The following HIP1 variants were observed in gnomAD, a reference collection of about 807,000 sequenced individuals.
The protein encoded by HIP1 is huntingtin interacting protein 1.
Under a neutral mutation model 147.6 loss-of-function variants are expected in HIP1, and 65 were observed. That is an observed-to-expected ratio of 0.44 (90% CI 0.36 to 0.54). The LOEUF (loss-of-function observed/expected upper bound fraction) is 0.54, where lower values mean the gene tolerates loss of function less well. Among genes scored for constraint, HIP1 ranks in the 20% least tolerant of loss-of-function variants. The pLI, the probability that HIP1 is intolerant of heterozygous loss-of-function variation, is 0.00. For synonymous variants in HIP1, 479 were observed against 504.0 expected (o/e 0.95, Z 0.67); for missense variants, 1,061 against 1,299.6 (o/e 0.82, Z 2.82).
intron 1 of HIP1, among the ~76,000 whole-genome samples, chr7:75,655,465 C>T (rs1486221095): frequency 6.6e-6 from 1 of 151,854 alleles, no homozygotes; most frequent in Non-Finnish European, 1.5e-5. Flanking sequence ...ACCTGTAATC[C>T]CAACTACTTG....
At chr7:75,586,570 G>A (rs1484954792) in intron 5 of HIP1, among the ~76,000 whole-genome samples, 183 bp downstream of exon 5, 8 of 152,112 alleles carry the variant, frequency 5.3e-5, no homozygotes, top group African/African-American at 1.4e-4. Flanking sequence ...CCCAGCCTTC[G>A]TCACACCCCG....
intron 1 of HIP1, among the ~76,000 whole-genome samples, chr7:75,614,782 T>C (rs911178215): frequency 1.3e-5 from 2 of 152,270 alleles, no homozygotes; most frequent in Admixed American, 1.3e-4. Context: ...TGATTTTTTT[T>C]TCTTTTTCTG....
chr7:75,690,116 A>T (rs782087437), intron 1 of HIP1, among the ~76,000 whole-genome samples: 1 of 152,150 alleles, frequency 6.6e-6, no homozygotes, highest in African/African-American at 2.4e-5. Flanking sequence ...TTACAAAAAA[A>T]TTTTAAAAAT....
intron 1 of HIP1, among the ~76,000 whole-genome samples, chr7:75,683,629 C>T (rs1048464952): frequency 1.3e-5 from 2 of 152,124 alleles, no homozygotes; most frequent in African/African-American, 4.8e-5. Flanking sequence ...GTGCAGCATG[C>T]CCCATCCCAT....
rs1554495923 is a variant in HIP1, at chr7:75,568,178, C to T, written c.803+21G>A. 3 of 1,571,184 alleles carry T rather than the reference C, an allele frequency of 1.9e-6. No individual in the cohort carries two copies. The highest frequency in any genetic ancestry group is 2.6e-6 in the Non-Finnish European group (3 of 1,140,850). Reference sequence around the variant, plus strand: ...TAGCGCTCTTGAATTCACCTCCATTCCTGTTACTTGAACCACTTACTTTGT... The same window carrying T: ...TAGCGCTCTTGAATTCACCTCCATTTCTGTTACTTGAACCACTTACTTTGT... On this transcript the variant is annotated intron_variant, in intron 9 of 30. Transcript: ENST00000336926. This position sits in a 1 kb window ranked among gnomAD's most constrained non-coding sequence, Gnocchi z 4.1.
At chr7:75,691,380 A>G (rs1800447732) in intron 1 of HIP1, among the ~76,000 whole-genome samples, 1 of 151,882 alleles carries the variant, frequency 6.6e-6, no homozygotes, top group African/African-American at 2.4e-5. Flanking sequence ...AATCCCAGCT[A>G]CTTGGGAGGC....
intron 1 of HIP1, among the ~76,000 whole-genome samples, chr7:75,677,126 C>T (rs2525473): frequency 0.56 from 85,005 of 150,640 alleles, 24,341 homozygotes; most frequent in African/African-American, 0.66. Flanking sequence ...ACCTGGGAGA[C>T]GGAGGTTGCA....
intron 3 of HIP1, 101 bp downstream of exon 3, chr7:75,592,271 G>A (rs766817671): frequency 6.2e-6 from 9 of 1,461,880 alleles, no homozygotes; most frequent in African/African-American, 1.4e-5. Flanking sequence ...GCCAGGAGAA[G>A]GGGGCAGTGT....
rs1563278085 is a variant in HIP1, at chr7:75,663,975, CATATATGTGTATAT to C, written c.121-64742_121-64729del. On this transcript the variant is annotated intron_variant, in intron 1 of 30. Transcript: ENST00000336926. Reference sequence around the variant, plus strand: ...ACATATATGTGTATATATATATACACATATATGTGTATATATATACACATATATGTGTATATATA... The same window carrying C: ...ACATATATGTGTATATATATATACACATATACACATATATGTGTATATATA... Among the ~76,000 whole-genome samples the C allele has an allele frequency of 9.5e-4, 14 of 14,780 alleles. 2 individuals carry two copies. Among genetic ancestry groups the C allele is most frequent in the African/African-American group, 2.2e-3 (5 of 2,292 alleles). 9.7% of individuals were successfully genotyped at this position (14,780 alleles called of 152,430 possible). A position where few individuals can be genotyped will look rare whatever the true frequency, so the allele number is the denominator to read the frequency against.
chr7:75,639,592 T>TGTGTGTGTGTGTGTGTGC (rs879990782), intron 1 of HIP1, among the ~76,000 whole-genome samples: 2 of 148,624 alleles, frequency 1.3e-5, no homozygotes, highest in Non-Finnish European at 3.0e-5. Context: ...TGTGTGTGTG[T>TGTGTGTGTGTGTGTGTGC]GCGCCCGCGT....
In HIP1 at chr7:75,563,162, G is replaced by A. The variant is rs781925853; in HGVS notation, c.879+26C>T. ...GAGTACCTGGGGCCTCTGCAGTGCC[G>A]AGGGTGTGTGGTTGGGCATGCTTAC... is the stretch of plus-strand genomic sequence containing the variant. On this transcript the variant is annotated intron_variant, in intron 10 of 30. Coordinates refer to ENST00000336926, the MANE Select transcript of HIP1 (RefSeq NM_005338.7). 8.7e-6 allele frequency: 14 copies of A among 1,613,922 alleles called. No homozygotes were observed. In the African/African-American group the frequency reaches 9.3e-5, roughly 11 times the overall value.
chr7:75,732,020 T>C (rs1801852809), intron 1 of HIP1, among the ~76,000 whole-genome samples: 1 of 152,160 alleles, frequency 6.6e-6, no homozygotes, highest in Non-Finnish European at 1.5e-5. Context: ...TTTTAGCTGC[T>C]GAACTAAGGC....
chr7:75,631,106 T>C (rs7777775), intron 1 of HIP1, among the ~76,000 whole-genome samples: 30,449 of 151,954 alleles, frequency 0.2, 4,301 homozygotes, highest in African/African-American at 0.4. Flanking sequence ...GACCACAGGC[T>C]CATGCGACCA....
At chr7:75,621,714 G>A (rs1021225866) in intron 1 of HIP1, among the ~76,000 whole-genome samples, 1 of 152,224 alleles carries the variant, frequency 6.6e-6, no homozygotes, top group African/African-American at 2.4e-5. Flanking sequence ...TGGAGGCAGA[G>A]GAGGTGTCGA....
intron 1 of HIP1, among the ~76,000 whole-genome samples, chr7:75,649,460 C>T (rs1798904757): frequency 6.6e-6 from 1 of 152,208 alleles, no homozygotes. Flanking sequence ...TATGCACAGC[C>T]ATACCTACCT....
chr7:75,660,216 TA>T (rs66778859), intron 1 of HIP1, among the ~76,000 whole-genome samples: 38,870 of 138,748 alleles, frequency 0.28, 5,293 homozygotes, highest in Middle Eastern at 0.33. Context: ...CGATACGTGG[TA>T]AAAAAAAAAA....
At chr7:75,586,642 A>G (rs1327617076) in intron 5 of HIP1, 111 bp downstream of exon 5, 2 of 722,338 alleles carry the variant, frequency 2.8e-6, no homozygotes, top group African/African-American at 3.5e-5. Context: ...ACTTCCTCAG[A>G]AGCCTGGGCT....
At chr7:75,703,993 C>T (rs73702671) in intron 1 of HIP1, among the ~76,000 whole-genome samples, 2,133 of 152,240 alleles carry the variant, frequency 0.014, 52 homozygotes, top group African/African-American at 0.049. Flanking sequence ...ATAGGTGTGC[C>T]AAGTTCCCCC....
intron 1 of HIP1, among the ~76,000 whole-genome samples, chr7:75,738,538 C>G (rs1483664412): frequency 1.3e-5 from 2 of 152,174 alleles, no homozygotes; most frequent in Non-Finnish European, 2.9e-5. Flanking sequence ...TGCCCGGTAC[C>G]CAGCCGATCA....
Sources: gnomAD v4.1 joint callset for allele counts (sites outside exome capture counted in the v4.1 genomes callset) on GRCh38, gnomAD v4.1.1 for gene constraint, Gnocchi (gnomAD v3.1) non-coding constraint, MANE v1.5 for transcripts, NCBI Gene and HGNC (gene_info 2026-07-23, HGNC 2026-07-21) for gene names.